The following MARCHF6 variants were observed in gnomAD, a reference collection of about 807,000 sequenced individuals.
MARCHF6 encodes the protein membrane associated ring-CH-type finger 6.
MARCHF6 carries 31 observed loss-of-function variants against 133.7 expected under a neutral mutation model. The ratio of observed to expected loss-of-function variants is 0.23; its 90% CI spans 0.17 to 0.31. The LOEUF (loss-of-function observed/expected upper bound fraction) is 0.31. MARCHF6 is among the 10% of genes least tolerant of loss of function. MARCHF6 has a pLI of 1.00. For missense variants in MARCHF6, 723 were observed against 1,121.6 expected (o/e 0.64, Z 5.08); for synonymous variants, 395 against 402.5 (o/e 0.98, Z 0.22).
chr5:10,387,257 C>A lies in MARCHF6; in HGVS notation c.407+191C>A, dbSNP rs543346352. 4.0e-5 allele frequency among the ~76,000 whole-genome samples: 6 copies of A among 151,588 alleles called. No homozygotes were observed. The South Asian group carries it at 1.3e-3, about 32-fold the overall frequency. On this transcript the variant is annotated intron_variant, in intron 5 of 25. Transcript: ENST00000274140. ...TAAATGACACTTCTTTTAAAACATA[C>A]CTGTTTTATGGGACTGTTTTGTAAT... is the stretch of plus-strand genomic sequence containing the variant.
chr5:10,437,328 C>G lies in MARCHF6; in HGVS notation c.*3644C>G, dbSNP rs1740694012. ...ATTCAGCCATCAAAAAAAAACCCAA[C>G]TAAAATGTCTTACCAGTAAAGTATT... On this transcript the variant is annotated 3_prime_UTR_variant, in exon 26 of 26. Transcript: ENST00000274140. The G allele has an allele frequency of 6.6e-6, 1 of 152,144 alleles. No individual in the cohort carries two copies. Among genetic ancestry groups the G allele is most frequent in the African/African-American group, 2.4e-5 (1 of 41,418 alleles). The allele number at this position is 152,144 out of a possible 1,614,324, so 9.4% of individuals were successfully genotyped here.
intron 22 of MARCHF6, among the ~76,000 whole-genome samples, chr5:10,422,898 G>C (rs542481485): frequency 6.6e-6 from 1 of 152,166 alleles, no homozygotes; most frequent in Admixed American, 6.5e-5. Flanking sequence ...GTTATTGCTG[G>C]GGAGGGATCA....
chr5:10,375,160 G>A (rs113523113), intron 1 of MARCHF6, among the ~76,000 whole-genome samples: 1 of 152,356 alleles, frequency 6.6e-6, no homozygotes, highest in African/African-American at 2.4e-5. Context: ...GGTGTGGAGG[G>A]AGAGGCGCGA....
intron 1 of MARCHF6, among the ~76,000 whole-genome samples, chr5:10,357,966 CTTTTT>C (rs34017407): frequency 3.7e-5 from 4 of 108,510 alleles, no homozygotes; most frequent in African/African-American, 6.6e-5. Flanking sequence ...GCATGGGTTG[CTTTTT>C]TTTTTTTTTT....
rs182200897 is a variant in MARCHF6 at position 10,424,501 on chromosome 5, C to T, written c.2373+677C>T. On this transcript the variant is annotated intron_variant, in intron 23 of 25. Coordinates refer to ENST00000274140, the MANE Select transcript of MARCHF6 (RefSeq NM_005885.4). ...TCAGTTGCATTCAACTCAAAACAAT[C>T]CTTATGCCTAAGAGGCATATTTTTA... 1.6e-3 allele frequency among the ~76,000 whole-genome samples: 240 copies of T among 152,326 alleles called. 1 individual carries two copies. Among genetic ancestry groups the T allele is most frequent in the African/African-American group, 5.7e-3 (236 of 41,574 alleles).
intron 1 of MARCHF6, among the ~76,000 whole-genome samples, chr5:10,368,946 G>A (rs894928237): frequency 2.6e-5 from 4 of 151,138 alleles, no homozygotes; most frequent in African/African-American, 9.8e-5. Flanking sequence ...GACAAAGTAA[G>A]GCTCTGTTTC....
At chr5:10,358,698 T>C (rs995394706) in intron 1 of MARCHF6, among the ~76,000 whole-genome samples, 1 of 152,206 alleles carries the variant, frequency 6.6e-6, no homozygotes, top group African/African-American at 2.4e-5. Context: ...TTTTGGAGAT[T>C]TGCAGCAATT....
In MARCHF6 at chr5:10,423,694, A is replaced by C. The variant is rs367778313; in HGVS notation, c.2284-41A>C. ...AGCCTCTCTGCTGTGTTTATTGTTA[A>C]AAAACAACAGAAATATGTTAAATGG... is the stretch of plus-strand genomic sequence containing the variant. On this transcript the variant is annotated intron_variant, in intron 22 of 25. Transcript: ENST00000274140. The C allele has an allele frequency of 2.1e-5, 29 of 1,408,994 alleles. No homozygotes were observed. The African/African-American group carries it at 3.1e-4, about 15-fold the overall frequency. 87.3% of individuals were successfully genotyped at this position (1,408,994 alleles called of 1,614,324 possible).
intron 1 of MARCHF6, among the ~76,000 whole-genome samples, chr5:10,367,249 A>C (rs1438991377): frequency 6.6e-6 from 1 of 152,228 alleles, no homozygotes; most frequent in Admixed American, 6.5e-5. Flanking sequence ...GACGTTAGGT[A>C]AAGACTAAGG....
intron 3 of MARCHF6, among the ~76,000 whole-genome samples, chr5:10,379,683 G>T (rs1737011868): frequency 6.6e-6 from 1 of 152,108 alleles, no homozygotes; most frequent in African/African-American, 2.4e-5. Flanking sequence ...GGATGGTCTC[G>T]ATCTCCTGAC....
chr5:10,427,742 C>T (rs1405807054), intron 24 of MARCHF6, among the ~76,000 whole-genome samples: 3 of 152,114 alleles, frequency 2.0e-5, no homozygotes, highest in East Asian at 1.9e-4. Context: ...GTGTGCCCTT[C>T]TTTACCTTTT....
intron 23 of MARCHF6, 89 bp downstream of exon 23, chr5:10,423,913 C>A: frequency 1.1e-6 from 1 of 875,790 alleles, no homozygotes; most frequent in Non-Finnish European, 1.7e-6. Flanking sequence ...TATCTTCCTA[C>A]CTTGCTGAGT....
At chr5:10,428,311 T>G (rs1740191979) in intron 24 of MARCHF6, among the ~76,000 whole-genome samples, 1 of 151,688 alleles carries the variant, frequency 6.6e-6, no homozygotes. Flanking sequence ...AAAATATATT[T>G]CAAAGCCCAT....
At chr5:10,397,618 A>G (rs1382490285) in intron 10 of MARCHF6, among the ~76,000 whole-genome samples, 3 of 152,062 alleles carry the variant, frequency 2.0e-5, no homozygotes, top group Non-Finnish European at 4.4e-5. Context: ...CCGACTTGAA[A>G]ATATACAGTT....
Position 10,353,697 on chromosome 5 carries a change from T to G in MARCHF6, c.-202T>G, listed in dbSNP as rs1735234785. The G allele has an allele frequency of 2.1e-6, 1 of 472,866 alleles. No homozygotes were observed. Among genetic ancestry groups the G allele is most frequent in the Admixed American group, 3.9e-5 (1 of 25,596 alleles). The allele number at this position is 472,866 out of a possible 1,614,324, so 29.3% of individuals were successfully genotyped here. ...CCGCCCAGGCCTCGCCCCTAGGTGT[T>G]CCCGCCCCTCCCCCTCCCGTGTCGC... On this transcript the variant is annotated 5_prime_UTR_variant, in exon 1 of 26. Coordinates refer to ENST00000274140, the MANE Select transcript of MARCHF6 (RefSeq NM_005885.4).
chr5:10,357,251 A>G (rs899281581), intron 1 of MARCHF6, among the ~76,000 whole-genome samples: 3 of 149,004 alleles, frequency 2.0e-5, no homozygotes, highest in Admixed American at 6.7e-5. Flanking sequence ...GCAGTACAAT[A>G]TTGGAATAGA....
At chr5:10,366,824 C>T (rs1736165754) in intron 1 of MARCHF6, among the ~76,000 whole-genome samples, 1 of 152,174 alleles carries the variant, frequency 6.6e-6, no homozygotes, top group African/African-American at 2.4e-5. Flanking sequence ...TGACTGCCTT[C>T]AGCATTCCTT....
Position 10,411,428 on chromosome 5 carries a change from C to A in MARCHF6, c.1787C>A (p.Ala596Asp). The A allele has an allele frequency of 6.2e-7, 1 of 1,614,160 alleles. No individual in the cohort carries two copies. The highest frequency in any genetic ancestry group is 8.5e-7 in the Non-Finnish European group (1 of 1,180,002). ...AATCAGCATGCTCGAAATAACAACG[C>A]TATTCCTGTGGTGGGAGAAGGCCTT... is the stretch of plus-strand genomic sequence containing the variant. The part of the protein sequence containing the change: ...NNNQHARNNN[A>D]IPVVGEGLHA... The change falls in exon 19 of 26, where the codon GCT becomes GAT. Residue 596 changes from alanine to aspartate, a missense_variant. By Grantham distance (126) the Ala-to-Asp change is moderately radical (BLOSUM62 -2). This residue lies in a region of MARCHF6 where 492 missense variants were observed against 699.5 expected (regional missense o/e 0.70). Transcript: ENST00000274140.
At position 10,426,520 on chromosome 5, in the gene MARCHF6, T is replaced by C; in HGVS notation, c.2504T>C (p.Leu835Pro). The C allele has an allele frequency of 6.2e-7, 1 of 1,614,030 alleles. No homozygotes were observed. Among genetic ancestry groups the C allele is most frequent in the South Asian group, 1.1e-5 (1 of 91,054 alleles). ...YVIASGVVPL[L>P]GVTAEMQNLV... ...ATAGCTTCTGGTGTTGTTCCTTTAC[T>C]AGGTACGTAATGCTGGTTGTGGAGC... Residue 835 changes from leucine (L) to proline (P), a missense_variant and splice_region_variant, in exon 24 of 26, where the codon CTA (leucine) becomes CCA (proline). Physicochemically the swap from Leu to Pro is moderately conservative, Grantham distance 98 (BLOSUM62 -3). Around this residue, in one of 4 missense-constraint regions of MARCHF6, gnomAD observed 492 missense variants for 699.5 expected, o/e 0.70. Transcript: ENST00000274140.
Sources: allele counts gnomAD v4.1 joint callset (sites outside exome capture counted in the v4.1 genomes callset), GRCh38; gene constraint gnomAD v4.1.1; regional missense constraint gnomAD v4.1.1; transcripts MANE v1.5; gene names NCBI Gene and HGNC (gene_info 2026-07-23, HGNC 2026-07-21).